The following DMD variants were observed in gnomAD, a reference collection of about 807,000 sequenced individuals.
DMD encodes dystrophin.
DMD carries 63 observed loss-of-function variants against 330.1 expected under a neutral mutation model. The observed-to-expected ratio is 0.19, with a 90% CI of 0.16 to 0.24. DMD has a LOEUF of 0.24. Ranked by LOEUF, DMD falls within the 10% of genes least tolerant of loss-of-function variation. The pLI, the probability that DMD is intolerant of heterozygous loss-of-function variation, is 1.00. For synonymous variants in DMD, 1,223 were observed against 959.8 expected, an observed-to-expected ratio of 1.27 and a Z score of -5.07; for missense variants, 3,344 against 2,684.1, an observed-to-expected ratio of 1.25 and a Z score of -5.43.
chrX:31,222,080 C>A (rs933843862), intron 64 of DMD, among the ~76,000 whole-genome samples: 6 of 110,781 alleles, frequency 5.4e-5, no homozygotes, highest in African/African-American at 9.9e-5. Context: ...CCTGTAGTCC[C>A]AGCTACTCCG....
intron 60 of DMD, among the ~76,000 whole-genome samples, chrX:31,422,258 C>T (rs1455581833): frequency 2.7e-5 from 3 of 109,347 alleles, no homozygotes; most frequent in African/African-American, 6.7e-5. Context: ...GATCTGCCTG[C>T]CTTGGCCTCT....
chrX:31,615,941 T>C (rs1038589019), intron 55 of DMD, among the ~76,000 whole-genome samples: 1 of 112,130 alleles, frequency 8.9e-6, no homozygotes, highest in African/African-American at 3.2e-5. Context: ...TATTGGGTGC[T>C]TACCGTGTGC....
chrX:32,635,698 T>C (rs1004124686), intron 11 of DMD, among the ~76,000 whole-genome samples: 11 of 111,716 alleles, frequency 9.8e-5, no homozygotes, highest in African/African-American at 2.6e-4. Context: ...ATAGGAAGCA[T>C]ATTAGTATTT....
At chrX:31,480,554 TTG>T (rs60621342) in intron 57 of DMD, among the ~76,000 whole-genome samples, 6,019 of 91,094 alleles carry the variant, frequency 0.066, 208 homozygotes, top group East Asian at 0.12. Flanking sequence ...ATCTCCATGT[TTG>T]TGTGTGTGTG....
At chrX:33,195,336 C>G (rs761466983) in intron 1 of DMD, among the ~76,000 whole-genome samples, 4 of 111,589 alleles carry the variant, frequency 3.6e-5, no homozygotes, top group Non-Finnish European at 7.5e-5. Context: ...GTAATCTGTC[C>G]TCAGACACCC....
chrX:32,660,610 T>C (rs1021032469), intron 9 of DMD, among the ~76,000 whole-genome samples: 2 of 111,607 alleles, frequency 1.8e-5, no homozygotes, highest in Non-Finnish European at 3.8e-5. Flanking sequence ...ATGAATGTCT[T>C]ATAAAATCTA....
chrX:33,187,217 A>G (rs1289360962), intron 1 of DMD, among the ~76,000 whole-genome samples: 1 of 112,548 alleles, frequency 8.9e-6, no homozygotes, highest in Non-Finnish European at 1.9e-5. Flanking sequence ...ACTCAAAAGT[A>G]TCAATATTTA....
At chrX:31,393,977 A>G (rs915216225) in intron 60 of DMD, among the ~76,000 whole-genome samples, 1 of 112,613 alleles carries the variant, frequency 8.9e-6, no homozygotes, top group African/African-American at 3.2e-5. Flanking sequence ...TACTATCAAC[A>G]TTTTGTATAT....
intron 62 of DMD, among the ~76,000 whole-genome samples, chrX:31,298,261 T>C (rs1013777008): frequency 3.6e-5 from 4 of 111,953 alleles, no homozygotes; most frequent in African/African-American, 1.3e-4. Context: ...ATTTCATAAT[T>C]ACCTACTACT....
intron 43 of DMD, among the ~76,000 whole-genome samples, chrX:32,240,258 A>G (rs1444214048): frequency 8.9e-6 from 1 of 111,778 alleles, no homozygotes; most frequent in East Asian, 2.8e-4. Context: ...TTCTTGCAAA[A>G]TTTATACGTT....
chrX:31,505,780 C>T (rs1164503952), intron 56 of DMD, among the ~76,000 whole-genome samples: 13 of 110,971 alleles, frequency 1.2e-4, no homozygotes, highest in Non-Finnish European at 2.5e-4. Context: ...ACTACAGGCG[C>T]GTGCCACCAT....
At chrX:31,254,553 C>T (rs778304591) in intron 63 of DMD, among the ~76,000 whole-genome samples, 11 of 110,525 alleles carry the variant, frequency 1.0e-4, no homozygotes, top group Non-Finnish European at 1.7e-4. Flanking sequence ...GATGGGGAGA[C>T]GGGGTTTCAC....
chrX:32,138,576 CTT>C (rs769365190), intron 44 of DMD, among the ~76,000 whole-genome samples: 1 of 111,920 alleles, frequency 8.9e-6, no homozygotes, highest in African/African-American at 3.2e-5. Flanking sequence ...CTAATGAACT[CTT>C]GTTTCTATCA....
chrX:31,292,345 A>T (rs1409976889), intron 62 of DMD, among the ~76,000 whole-genome samples: 1 of 112,088 alleles, frequency 8.9e-6, no homozygotes, highest in Non-Finnish European at 1.9e-5. Flanking sequence ...ATGGTCAATA[A>T]ATACACGTAA....
intron 41 of DMD, among the ~76,000 whole-genome samples, chrX:32,332,814 A>G (rs1395895394): frequency 1.8e-5 from 2 of 110,422 alleles, no homozygotes; most frequent in Non-Finnish European, 3.8e-5. Context: ...TTGTGTAGAG[A>G]TAGGCTAAAG....
At chrX:32,474,581 G>A (rs923343258) in intron 21 of DMD, among the ~76,000 whole-genome samples, 1 of 111,563 alleles carries the variant, frequency 9.0e-6, no homozygotes, top group African/African-American at 3.3e-5. Flanking sequence ...GGTATCACAT[G>A]GTGGTTTTGA....
chrX:31,386,213 C>T (rs1265508806), intron 60 of DMD, among the ~76,000 whole-genome samples: 2 of 111,015 alleles, frequency 1.8e-5, no homozygotes, highest in East Asian at 5.7e-4. Flanking sequence ...ACATCACACA[C>T]CAGGGACTGT....
At chrX:31,241,707 C>T (rs2048314170) in intron 63 of DMD, among the ~76,000 whole-genome samples, 1 of 111,174 alleles carries the variant, frequency 9.0e-6, no homozygotes, top group East Asian at 2.8e-4. Flanking sequence ...TTTTCCTTCC[C>T]CCATTGCTAT....
At chrX:32,899,491 T>C (rs762515019) in intron 2 of DMD, among the ~76,000 whole-genome samples, 11 of 109,306 alleles carry the variant, frequency 1.0e-4, no homozygotes, top group South Asian at 8.1e-4. Context: ...CTGACCAACA[T>C]GGTGAAACCC....
Sources: gnomAD v4.1 joint callset for allele counts (sites outside exome capture counted in the v4.1 genomes callset) on GRCh38, gnomAD v4.1.1 for gene constraint, MANE v1.5 for transcripts, NCBI Gene and HGNC (gene_info 2026-07-23, HGNC 2026-07-21) for gene names.